Variants in TXNRD1 observed in about 807,000 individuals in gnomAD.
The protein encoded by TXNRD1 is thioredoxin reductase 1, cytoplasmic.
In TXNRD1, 57 loss-of-function variants were observed where a neutral mutation model predicts 80.3. The ratio of observed to expected loss-of-function variants is 0.71; its 90% CI spans 0.57 to 0.89. TXNRD1 has a LOEUF of 0.89. TXNRD1 is among the 40% of genes least tolerant of loss of function. The pLI is 0.00. For synonymous variants in TXNRD1, 291 were observed against 285.2 expected (o/e 1.02, Z -0.20); for missense variants, 730 against 803.0 (o/e 0.91, Z 1.10).
chr12:104,307,213 AT>A (rs762611340), intron 4 of TXNRD1, among the ~76,000 whole-genome samples: 9 of 152,216 alleles, frequency 5.9e-5, no homozygotes, highest in Non-Finnish European at 1.3e-4. Context: ...GAGGTTAAGA[AT>A]CAAACTGCAA....
intron 1 of TXNRD1, among the ~76,000 whole-genome samples, chr12:104,229,632 G>A (rs914087135): frequency 4.6e-5 from 6 of 131,652 alleles, no homozygotes; most frequent in Non-Finnish European, 9.8e-5. Flanking sequence ...TCACCCTGTC[G>A]CCCAGGCTGG....
At chr12:104,345,891 C>T (rs2036473286) in intron 16 of TXNRD1, 9 of 1,121,498 alleles carry the variant, frequency 8.0e-6, no homozygotes, top group Non-Finnish European at 1.1e-5. Flanking sequence ...GACCCTTGTA[C>T]GAGTCCTGTG....
At chr12:104,234,953 T>A (rs1422744268) in intron 1 of TXNRD1, among the ~76,000 whole-genome samples, 1 of 152,204 alleles carries the variant, frequency 6.6e-6, no homozygotes, top group African/African-American at 2.4e-5. Context: ...ATGGCTTCTA[T>A]CTCTTATGTA....
chr12:104,286,993 C>T lies in TXNRD1; in HGVS notation c.305-1938C>T, dbSNP rs1223304284. On this transcript the variant is annotated intron_variant, in intron 3 of 16. Transcript: ENST00000525566. Reference sequence around the variant, plus strand: ...CGGCGCAGGGCGTGGCTTCTCGTAGCCATTAGGAAACAGCAACCCTTTCAC... The same window carrying T: ...CGGCGCAGGGCGTGGCTTCTCGTAGTCATTAGGAAACAGCAACCCTTTCAC... The T allele has an allele frequency of 3.1e-6, 4 of 1,294,198 alleles. No individual in the cohort carries two copies. The South Asian group carries it at 4.9e-5, about 16-fold the overall frequency. 80.2% of individuals were successfully genotyped at this position (1,294,198 alleles called of 1,614,324 possible).
chr12:104,274,295 A>G (rs990444313), intron 3 of TXNRD1, among the ~76,000 whole-genome samples: 5 of 152,262 alleles, frequency 3.3e-5, no homozygotes, highest in Non-Finnish European at 5.9e-5. Flanking sequence ...AACGACTGGT[A>G]GCCATCAACT....
Position 104,318,959 on chromosome 12 carries a change from T to C in TXNRD1, c.777T>C (p.Ile259=), listed in dbSNP as rs749092656. Residue 259 remains isoleucine, a synonymous_variant, in exon 8 of 17, where the codon ATT becomes ATC. Coordinates refer to ENST00000525566, the MANE Select transcript of TXNRD1 (RefSeq NM_001093771.3). ...TGATAGAAGCTGTACAGAATCACATTGGCTCTTTGAATTGGGGCTACCGAG... is the reference window on the plus strand; with the variant it reads ...TGATAGAAGCTGTACAGAATCACATCGGCTCTTTGAATTGGGGCTACCGAG... ...DRMIEAVQNH[I]GSLNWGYRVA... 2.5e-6 allele frequency: 4 copies of C among 1,613,854 alleles called. No individual in the cohort carries two copies. Among genetic ancestry groups the C allele is most frequent in the Non-Finnish European group, 3.4e-6 (4 of 1,179,876 alleles).
At chr12:104,345,436 T>C (rs1321458066) in intron 16 of TXNRD1, among the ~76,000 whole-genome samples, 1 of 152,212 alleles carries the variant, frequency 6.6e-6, no homozygotes, top group Non-Finnish European at 1.5e-5. Flanking sequence ...GACAAATTCC[T>C]TAGCAAAGTA....
chr12:104,299,379 A>AATACAGAT, intron 4 of TXNRD1, among the ~76,000 whole-genome samples: 1 of 152,166 alleles, frequency 6.6e-6, no homozygotes, highest in Admixed American at 6.5e-5. Flanking sequence ...TAAAAAAAAA[A>AATACAGAT]ATACAGATAT....
At position 104,275,873 on chromosome 12, in the gene TXNRD1, A is replaced by G. The variant is rs74981947; in HGVS notation, c.305-13058A>G. Among the ~76,000 whole-genome samples the G allele has an allele frequency of 3.7e-3, 560 of 152,322 alleles. 3 individuals carry two copies. The highest frequency in any genetic ancestry group is 0.013 in the African/African-American group (524 of 41,566). Reference sequence around the variant, plus strand: ...TTTTACATCTATTTACATCCTTTACATCTATTTACTCATCTCGTTTTCCAC... The same window carrying G: ...TTTTACATCTATTTACATCCTTTACGTCTATTTACTCATCTCGTTTTCCAC... On this transcript the variant is annotated intron_variant, in intron 3 of 16. Transcript: ENST00000525566.
intron 3 of TXNRD1, among the ~76,000 whole-genome samples, chr12:104,265,112 C>T (rs540505879): frequency 2.0e-5 from 3 of 152,052 alleles, no homozygotes; most frequent in East Asian, 3.9e-4. Flanking sequence ...ATTAGCTGGG[C>T]GTGGTGGCAT....
At chr12:104,267,176 A>C (rs1225764614) in intron 3 of TXNRD1, among the ~76,000 whole-genome samples, 1 of 95,864 alleles carries the variant, frequency 1.0e-5, no homozygotes, top group Non-Finnish European at 2.2e-5. Context: ...AAAAAAAAAA[A>C]AAAATAATAT....
In TXNRD1 at chr12:104,322,374, C is replaced by CTTTTT. The variant is rs58288808; in HGVS notation, c.1215+1078_1215+1082dup. ...TACTGTAGCTGTTTTTTATTTTTAC[C>CTTTTT]TTTTTTTTTTTTTTTTTTTTTTTTG... On this transcript the variant is annotated intron_variant, in intron 10 of 16. Transcript: ENST00000525566. Among the ~76,000 whole-genome samples, 34 of 61,540 alleles carry CTTTTT rather than the reference C, an allele frequency of 5.5e-4. 1 individual carries two copies. Among genetic ancestry groups the CTTTTT allele is most frequent in the African/African-American group, 1.9e-3 (26 of 13,844 alleles). The allele number at this position is 61,540 out of a possible 152,430, so 40.4% of individuals were successfully genotyped here.
intron 13 of TXNRD1, among the ~76,000 whole-genome samples, chr12:104,328,162 C>G (rs2035829700): frequency 7.1e-6 from 1 of 140,358 alleles, no homozygotes; most frequent in African/African-American, 2.7e-5. Flanking sequence ...GAGACTCCAT[C>G]TAAAAAAAAA....
At chr12:104,271,066 A>G (rs1163573123) in intron 3 of TXNRD1, among the ~76,000 whole-genome samples, 1 of 152,194 alleles carries the variant, frequency 6.6e-6, no homozygotes, top group African/African-American at 2.4e-5. Flanking sequence ...ATCCGTGTGA[A>G]AAGACCACCA....
In TXNRD1 at chr12:104,331,657, CT is replaced by C. The variant is rs1213903550; in HGVS notation, c.1650+20del. On this transcript the variant is annotated intron_variant, in intron 14 of 16. Transcript: ENST00000525566. ...AAATATTGAGGTAAGTTCTTTTCCT[CT>C]TTTCTCCTATGTTATATCACTACTT... 6.5e-7 allele frequency: 1 copy of C among 1,533,650 alleles called. No individual in the cohort carries two copies. Among genetic ancestry groups the C allele is most frequent in the Non-Finnish European group, 9.0e-7 (1 of 1,111,724 alleles).
intron 1 of TXNRD1, among the ~76,000 whole-genome samples, chr12:104,233,986 A>T (rs1246509548): frequency 3.3e-5 from 5 of 152,196 alleles, no homozygotes; most frequent in Non-Finnish European, 7.3e-5. Context: ...ATATTTGTGA[A>T]TATGTCAGTT....
intron 3 of TXNRD1, among the ~76,000 whole-genome samples, chr12:104,271,310 T>C (rs952425753): frequency 4.8e-4 from 73 of 151,302 alleles, no homozygotes; most frequent in Admixed American, 1.1e-3. Context: ...CTCAGCCTCC[T>C]GAGTTTCTGG....
chr12:104,324,991 G>A (rs894547688), intron 10 of TXNRD1, among the ~76,000 whole-genome samples: 5 of 152,146 alleles, frequency 3.3e-5, no homozygotes, highest in African/African-American at 1.2e-4. Context: ...ATGATTCTGG[G>A]TGAATCACAA....
intron 3 of TXNRD1, among the ~76,000 whole-genome samples, chr12:104,267,810 C>T (rs1336699947): frequency 7.0e-6 from 1 of 143,722 alleles, no homozygotes; most frequent in African/African-American, 2.6e-5. Flanking sequence ...TTCCTTCCTT[C>T]CTTCCTTCCC....
Sources: gnomAD v4.1 joint callset for allele counts (sites outside exome capture counted in the v4.1 genomes callset) on GRCh38, gnomAD v4.1.1 for gene constraint, MANE v1.5 for transcripts, NCBI Gene and HGNC (gene_info 2026-07-23, HGNC 2026-07-21) for gene names.